Variants in BEST3 observed in about 807,000 individuals in gnomAD.
BEST3 encodes bestrophin 3.
In BEST3, 50 loss-of-function variants were observed where a neutral mutation model predicts 47.1. The observed-to-expected ratio is 1.06, with a 90% CI of 0.85 to 1.34. The LOEUF is 1.34. BEST3 is among the 40% of genes most tolerant of loss of function. The pLI is 0.00. For missense variants in BEST3, 765 were observed against 817.0 expected (o/e 0.94, Z 0.78); for synonymous variants, 282 against 298.8 (o/e 0.94, Z 0.58).
chr12:69,658,839 T>C (rs1414693284), intron 9 of BEST3, among the ~76,000 whole-genome samples: 2 of 152,158 alleles, frequency 1.3e-5, no homozygotes, highest in Non-Finnish European at 2.9e-5. Context: ...AGGCCTAGGC[T>C]GGAAAGAGGT....
chr12:69,693,837 TA>T lies in BEST3; in HGVS notation c.317del (p.Leu106GlnfsTer23). ...GAACACTGCTAGAGATGAGGAACAT[TA>T]GCCTGTCTGGCCAGGGCAAATTCAC... is the stretch of plus-strand genomic sequence containing the variant. The part of the protein sequence containing the change: ...QFVNLPWPDR[L>X]MFLISSSVHG... On this transcript the variant is annotated frameshift_variant, in exon 4 of 10. Transcript: ENST00000330891. LOFTEE classifies it high-confidence loss of function. The T allele has an allele frequency of 6.2e-7, 1 of 1,614,078 alleles. No individual in the cohort carries two copies.
chr12:69,657,302 G>A (rs1026859696), intron 9 of BEST3, among the ~76,000 whole-genome samples: 1 of 151,922 alleles, frequency 6.6e-6, no homozygotes, highest in African/African-American at 2.4e-5. Context: ...TACCATGTTG[G>A]CCAGGCTGGT....
downstream of BEST3, among the ~76,000 whole-genome samples, chr12:69,650,610 C>G (rs1004409671): frequency 1.3e-5 from 2 of 152,136 alleles, no homozygotes; most frequent in African/African-American, 4.8e-5. Context: ...ATTAACTGAT[C>G]CAGGACCAGG....
chr12:69,681,959 T>A (rs1885278627), intron 4 of BEST3, among the ~76,000 whole-genome samples: 1 of 151,292 alleles, frequency 6.6e-6, no homozygotes, highest in Non-Finnish European at 1.5e-5. Context: ...TAGGGACCTG[T>A]AATCCCAGCT....
chr12:69,680,050 T>C (rs190847477), intron 4 of BEST3, among the ~76,000 whole-genome samples: 1 of 152,214 alleles, frequency 6.6e-6, no homozygotes. Context: ...CCTGAGATGA[T>C]GAACATGTGT....
At chr12:69,685,309 C>G (rs1326336619) in intron 4 of BEST3, among the ~76,000 whole-genome samples, 1 of 152,174 alleles carries the variant, frequency 6.6e-6, no homozygotes, top group Non-Finnish European at 1.5e-5. Flanking sequence ...CAAGAAATAA[C>G]ATACAAAGAA....
intron 4 of BEST3, chr12:69,689,362 C>T (rs73140322): frequency 0.062 from 35,183 of 570,290 alleles, 1,229 homozygotes; most frequent in Non-Finnish European, 0.07. Flanking sequence ...GACAGGCCTC[C>T]GAAGCGTCTC....
intron 2 of BEST3, among the ~76,000 whole-genome samples, chr12:69,695,088 C>A (rs1020563358): frequency 2.0e-5 from 3 of 152,126 alleles, no homozygotes; most frequent in African/African-American, 7.2e-5. Flanking sequence ...CTAACCCAAC[C>A]TGCCCAAACC....
downstream of BEST3, among the ~76,000 whole-genome samples, chr12:69,648,788 C>T (rs1488793252): frequency 1.3e-5 from 2 of 152,186 alleles, no homozygotes; most frequent in East Asian, 3.8e-4. Context: ...CATGAGTTTG[C>T]TTGGCCCAGG....
intron 9 of BEST3, among the ~76,000 whole-genome samples, chr12:69,648,437 A>G (rs1350527994): frequency 6.6e-6 from 1 of 152,230 alleles, no homozygotes; most frequent in Non-Finnish European, 1.5e-5. Context: ...TATGCATTTT[A>G]TAAGAATGTA....
intron 9 of BEST3, among the ~76,000 whole-genome samples, chr12:69,646,037 A>G (rs557514300): frequency 6.6e-6 from 1 of 152,268 alleles, no homozygotes; most frequent in East Asian, 1.9e-4. Context: ...CCGAGGTTCA[A>G]GTGATTTTCC....
intron 9 of BEST3, among the ~76,000 whole-genome samples, chr12:69,648,297 C>T (rs576832014): frequency 1.3e-5 from 2 of 152,080 alleles, no homozygotes; most frequent in African/African-American, 2.4e-5. Flanking sequence ...CTGGAGTATG[C>T]AGCGGCTAGA....
chr12:69,679,392 CCTT>C (rs1181603289), intron 4 of BEST3, among the ~76,000 whole-genome samples: 1 of 152,214 alleles, frequency 6.6e-6, no homozygotes, highest in Non-Finnish European at 1.5e-5. Flanking sequence ...TTCCTTGAGT[CCTT>C]CTTTCTCTTT....
chr12:69,697,027 C>G (rs1309473568), intron 2 of BEST3, among the ~76,000 whole-genome samples: 2 of 152,124 alleles, frequency 1.3e-5, no homozygotes, highest in Non-Finnish European at 2.9e-5. Context: ...ATCTGACAGG[C>G]ATATGTTGTA....
At chr12:69,680,454 A>G (rs889361168) in intron 4 of BEST3, among the ~76,000 whole-genome samples, 7 of 151,590 alleles carry the variant, frequency 4.6e-5, no homozygotes, top group Non-Finnish European at 7.4e-5. Context: ...GACTACAGGC[A>G]CCTGCCACCA....
intron 4 of BEST3, chr12:69,683,648 A>T (rs992545806): frequency 6.6e-6 from 1 of 152,268 alleles, no homozygotes; most frequent in African/African-American, 2.4e-5. Flanking sequence ...AGACTGAACC[A>T]ATGTTTATCT....
intron 9 of BEST3, among the ~76,000 whole-genome samples, chr12:69,657,656 A>T (rs1883590780): frequency 6.6e-6 from 1 of 152,204 alleles, no homozygotes; most frequent in Non-Finnish European, 1.5e-5. Context: ...ATCTCTGGTG[A>T]CAAGATGCCG....
rs556973880 is a variant in BEST3, at chr12:69,694,627, T to C, written c.153-163A>G. Among the ~76,000 whole-genome samples the C allele has an allele frequency of 1.4e-4, 22 of 152,342 alleles. 1 individual carries two copies. The South Asian group carries it at 4.3e-3, about 30-fold the overall frequency. On this transcript the variant is annotated intron_variant, in intron 2 of 9. Coordinates refer to ENST00000330891, the MANE Select transcript of BEST3 (RefSeq NM_032735.3). The stretch of plus-strand genomic sequence containing the variant: ...AAACTGATGTGTCTCAAAAGCTTTT[T>C]AATTGCTTAATGTCTCAAGTGCTAA...
intron 9 of BEST3, among the ~76,000 whole-genome samples, chr12:69,662,464 G>A (rs1756601469): frequency 6.6e-6 from 1 of 152,024 alleles, no homozygotes; most frequent in African/African-American, 2.4e-5. Context: ...TGGTATATTT[G>A]AATTAATATC....
Sources: allele counts gnomAD v4.1 joint callset (sites outside exome capture counted in the v4.1 genomes callset), GRCh38; gene constraint gnomAD v4.1.1; transcripts MANE v1.5; gene names NCBI Gene and HGNC (gene_info 2026-07-23, HGNC 2026-07-21).